Variants in ZFYVE16 observed in about 807,000 individuals in gnomAD.
ZFYVE16 encodes zinc finger FYVE-type containing 16.
A neutral mutation model predicts 138.1 loss-of-function variants in ZFYVE16; 89 were observed. That is an observed-to-expected ratio of 0.64 (90% CI 0.54 to 0.77). The LOEUF is 0.77. ZFYVE16 is among the 30% of genes least tolerant of loss of function. The pLI is 0.00. For missense variants in ZFYVE16, 1,793 were observed against 1,786.7 expected, an observed-to-expected ratio of 1.00 and a Z score of -0.06; for synonymous variants, 596 against 618.3, an observed-to-expected ratio of 0.96 and a Z score of 0.53.
chr5:80,457,236 A>G, intron 14 of ZFYVE16, 144 bp downstream of exon 14: 1 of 1,246,606 alleles, frequency 8.0e-7, no homozygotes, highest in Non-Finnish European at 1.1e-6. Context: ...GCTACACAAC[A>G]GATTTTAAAA....
At chr5:80,411,720 C>G (rs1156726431) in intron 1 of ZFYVE16, 1 of 152,272 alleles carries the variant, frequency 6.6e-6, no homozygotes, top group African/African-American at 2.4e-5. Context: ...CTCCTGCATT[C>G]CAGATTCTTA....
intron 15 of ZFYVE16, among the ~76,000 whole-genome samples, chr5:80,469,330 C>T (rs1674111767): frequency 6.6e-6 from 1 of 151,900 alleles, no homozygotes; most frequent in African/African-American, 2.4e-5. Flanking sequence ...GGGGCTTGAA[C>T]TTCTGGGCTC....
At chr5:80,458,184 A>T (rs1752733314) in intron 14 of ZFYVE16, among the ~76,000 whole-genome samples, 1 of 152,064 alleles carries the variant, frequency 6.6e-6, no homozygotes, top group South Asian at 2.1e-4. Context: ...ATACTTTATC[A>T]CTTAACATGA....
rs551865441 is a variant in ZFYVE16, at chr5:80,434,505, C to G, written c.70+288C>G. Among the ~76,000 whole-genome samples, 9 of 152,262 alleles carry G rather than the reference C, an allele frequency of 5.9e-5. No homozygotes were observed. The South Asian group carries it at 1.9e-3, about 32-fold the overall frequency. ...TTTCTTTTTATTTTTGAGACAAAGT[C>G]TCATTCTGTCTCCCAGGCTGAAGTG... On this transcript the variant is annotated intron_variant, in intron 3 of 18. Transcript: ENST00000505560.
At chr5:80,475,727 TTATC>T (rs1401383172) in intron 18 of ZFYVE16, among the ~76,000 whole-genome samples, 31 of 152,314 alleles carry the variant, frequency 2.0e-4, no homozygotes, top group East Asian at 5.8e-4. Context: ...GTACCATAAT[TTATC>T]TAACTAATTA....
At position 80,451,507 on chromosome 5, in the gene ZFYVE16, C is replaced by G. The variant is rs1741533722; in HGVS notation, c.3405C>G (p.Asp1135Glu). The G allele has an allele frequency of 1.2e-6, 2 of 1,606,200 alleles. No homozygotes were observed. The highest frequency in any genetic ancestry group is 1.7e-6 in the Non-Finnish European group (2 of 1,177,296). ...ALKGKYIENL[D>E]NITFTESFLS... ...CAGGAAAATACATAGAAAACTTGGA[C>G]AATATTACCTTTACTGAGAGTTTTC... Residue 1135 changes from aspartate to glutamate, a missense_variant, in exon 11 of 19, where the codon GAC becomes GAG. This residue lies in a region of ZFYVE16 where 498 missense variants were observed against 582.4 expected (regional missense o/e 0.86). Coordinates refer to ENST00000505560, the MANE Select transcript of ZFYVE16 (RefSeq NM_001284236.3).
intron 14 of ZFYVE16, among the ~76,000 whole-genome samples, chr5:80,457,612 T>C (rs967835010): frequency 1.3e-5 from 2 of 152,184 alleles, no homozygotes; most frequent in African/African-American, 4.8e-5. Context: ...AAAATTAATA[T>C]ATTATTATAG....
At position 80,483,327 on chromosome 5, in the gene ZFYVE16, TAC is replaced by T. The variant is rs934519230; in HGVS notation, c.*5952_*5953del. Among the ~76,000 whole-genome samples, 1 of 152,204 alleles carries T rather than the reference TAC, an allele frequency of 6.6e-6. No homozygotes were observed. The highest frequency in any genetic ancestry group is 1.5e-5 in the Non-Finnish European group (1 of 68,032). On this transcript the variant is annotated 3_prime_UTR_variant, in exon 19 of 19. Coordinates refer to ENST00000505560, the MANE Select transcript of ZFYVE16 (RefSeq NM_001284236.3). ...AATCTCTGGATAAACCAAATAGACT[TAC>T]ATGTTTGTTAAAATATATGTAACTG...
At chr5:80,441,912 C>T (rs1750752305) in intron 5 of ZFYVE16, 6 of 985,260 alleles carry the variant, frequency 6.1e-6, no homozygotes, top group Non-Finnish European at 7.2e-6. Context: ...AAGAATCACT[C>T]AGCAGTATTC....
intron 5 of ZFYVE16, chr5:80,441,080 T>G: frequency 1.0e-6 from 1 of 985,432 alleles, no homozygotes; most frequent in Non-Finnish European, 1.2e-6. Flanking sequence ...ATAGTTGTTT[T>G]GTTTTTTCTT....
chr5:80,429,388 A>G (rs1456735101), intron 2 of ZFYVE16, among the ~76,000 whole-genome samples: 3 of 152,234 alleles, frequency 2.0e-5, no homozygotes, highest in African/African-American at 7.2e-5. Context: ...TCCTTTACAG[A>G]CAAGCAAATG....
intron 6 of ZFYVE16, chr5:80,443,682 A>G (rs1050521494): frequency 6.6e-6 from 3 of 456,128 alleles, no homozygotes; most frequent in African/African-American, 6.0e-5. Flanking sequence ...GAGTACTGAA[A>G]ATCATGAGTC....
chr5:80,470,473 T>G (rs249030), intron 15 of ZFYVE16, among the ~76,000 whole-genome samples: 133,075 of 152,128 alleles, frequency 0.87, 58,941 homozygotes, highest in Non-Finnish European at 0.94. Flanking sequence ...GTTGGCTTCA[T>G]TTGCCGAAGG....
intron 1 of ZFYVE16, among the ~76,000 whole-genome samples, chr5:80,425,290 T>C (rs1747832935): frequency 6.6e-6 from 1 of 152,244 alleles, no homozygotes; most frequent in African/African-American, 2.4e-5. Context: ...TTCAGTTCTC[T>C]CTTAAGCTCT....
chr5:80,477,275 T>A lies in ZFYVE16; in HGVS notation c.4518T>A (p.Asp1506Glu). The change falls in exon 19 of 19, where the codon GAT (aspartate) becomes GAA (glutamate). Residue 1506 changes from aspartate to glutamate, a missense_variant. Asp to Glu is a conservative substitution (Grantham distance 45). Coordinates refer to ENST00000505560, the MANE Select transcript of ZFYVE16 (RefSeq NM_001284236.3). ...TTCTGCCTCAGCATTATCTAAATGA[T>A]CTTGATAGTGCTCTGATACCTGTGA... ...GQLLPQHYLN[D>E]LDSALIPVIH... 1 of 1,608,216 alleles carries A rather than the reference T, an allele frequency of 6.2e-7. No individual in the cohort carries two copies. Among genetic ancestry groups the A allele is most frequent in the Non-Finnish European group, 8.5e-7 (1 of 1,178,284 alleles).
intron 1 of ZFYVE16, among the ~76,000 whole-genome samples, chr5:80,423,777 A>T (rs1023657403): frequency 5.3e-5 from 8 of 150,930 alleles, no homozygotes; most frequent in African/African-American, 1.9e-4. Flanking sequence ...TGACCTTGTG[A>T]TCCGCCCACC....
At chr5:80,426,365 G>A (rs1333369852) in intron 1 of ZFYVE16, among the ~76,000 whole-genome samples, 2 of 151,658 alleles carry the variant, frequency 1.3e-5, no homozygotes, top group Non-Finnish European at 2.9e-5. Flanking sequence ...GTGTGCCACG[G>A]TGGTTTGCTG....
intron 5 of ZFYVE16, 63 bp from the exon 6 acceptor site, chr5:80,443,060 T>C: frequency 1.4e-6 from 2 of 1,394,928 alleles, no homozygotes; most frequent in Non-Finnish European, 9.5e-7. Flanking sequence ...TTTATTGTAA[T>C]TTACTTTGAA....
Position 80,451,615 on chromosome 5 carries a change from T to G in ZFYVE16, c.3513T>G (p.Pro1171=). ...KLDDLSLPSN[P]FLCGILIQKL... ...ATGATCTCTCATTACCAAGTAATCC[T>G]TTTCTTTGTGGAATTCTTATCCAGA... The change falls in exon 11 of 19, where the codon CCT becomes CCG. Residue 1171 remains proline, a synonymous_variant. Coordinates refer to ENST00000505560, the MANE Select transcript of ZFYVE16 (RefSeq NM_001284236.3). 1 of 1,613,916 alleles carries G rather than the reference T, an allele frequency of 6.2e-7. No homozygotes were observed. Among genetic ancestry groups the G allele is most frequent in the East Asian group, 2.2e-5 (1 of 44,798 alleles).
Sources: gnomAD v4.1 joint callset for allele counts (sites outside exome capture counted in the v4.1 genomes callset) on GRCh38, gnomAD v4.1.1 for gene constraint, gnomAD v4.1.1 regional missense constraint, MANE v1.5 for transcripts, NCBI Gene and HGNC (gene_info 2026-07-23, HGNC 2026-07-21) for gene names.